Variants in FBXO24 observed in about 807,000 individuals in gnomAD.
FBXO24 encodes F-box only protein 24.
Under a neutral mutation model 63.5 loss-of-function variants are expected in FBXO24, and 30 were observed. The ratio of observed to expected loss-of-function variants is 0.47; its 90% CI spans 0.35 to 0.64. The LOEUF is 0.64. Among genes scored for constraint, FBXO24 ranks in the 30% least tolerant of loss-of-function variants. The pLI is 0.00. For synonymous variants in FBXO24, 300 were observed against 305.0 expected (o/e 0.98, Z 0.17); for missense variants, 624 against 763.4 (o/e 0.82, Z 2.15).
chr7:100,590,161 TCCTC>T lies in FBXO24; in HGVS notation c.139-6_139-3del. Reference sequence around the variant, plus strand: ...CACCAAAGACTCCCCGCTTCTTCCCTCCTCCCTCCCAGGTGGAGCATATCATCTC... The same window carrying T: ...CACCAAAGACTCCCCGCTTCTTCCCTCCTCCCAGGTGGAGCATATCATCTC... On this transcript the variant is annotated splice_polypyrimidine_tract_variant and intron_variant, in intron 2 of 9. Transcript: ENST00000241071. The T allele has an allele frequency of 3.1e-6, 5 of 1,611,654 alleles. No homozygotes were observed. Among genetic ancestry groups the T allele is most frequent in the Non-Finnish European group, 4.2e-6 (5 of 1,178,180 alleles).
Position 100,601,003 on chromosome 7 carries a change from G to A in FBXO24, c.*104G>A. On this transcript the variant is annotated 3_prime_UTR_variant, in exon 10 of 10. Coordinates refer to ENST00000241071, the MANE Select transcript of FBXO24 (RefSeq NM_033506.3). The stretch of plus-strand genomic sequence containing the variant: ...ACATGCGTGTGGGAAGGGGTTGCTA[G>A]GGGGTGGGGACGGCTAACCAGGGTA... The A allele has an allele frequency of 6.7e-7, 1 of 1,488,010 alleles. No individual in the cohort carries two copies. Among genetic ancestry groups the A allele is most frequent in the African/African-American group, 1.4e-5 (1 of 71,600 alleles). The allele number at this position is 1,488,010 out of a possible 1,614,324, so 92.2% of individuals were successfully genotyped here. A position where few individuals can be genotyped will look rare whatever the true frequency, so the allele number is the denominator to read the frequency against.
intron 8 of FBXO24, among the ~76,000 whole-genome samples, chr7:100,599,187 A>C (rs1802459070): frequency 6.6e-6 from 1 of 152,158 alleles, no homozygotes; most frequent in African/African-American, 2.4e-5. Context: ...CCAGGAGGTC[A>C]AGGCTGCAGT....
intron 5 of FBXO24, among the ~76,000 whole-genome samples, chr7:100,593,735 T>C (rs1189771137): frequency 6.7e-6 from 1 of 150,138 alleles, no homozygotes; most frequent in Non-Finnish European, 1.5e-5. Context: ...AGGTGGAGGT[T>C]TCAGTGAGCC....
At chr7:100,589,925 G>A (rs1801924374) in intron 1 of FBXO24, 52 bp from the exon 2 acceptor site, 2 of 1,579,130 alleles carry the variant, frequency 1.3e-6, no homozygotes, top group African/African-American at 2.7e-5. Flanking sequence ...GGAGAGAAGG[G>A]AAAAAAGGAT....
At chr7:100,586,763 G>GT in intron 1 of FBXO24, 99 bp downstream of exon 1, 1 of 1,340,876 alleles carries the variant, frequency 7.5e-7, no homozygotes, top group Non-Finnish European at 1.1e-6. Context: ...CGAGCTGGAC[G>GT]TGTTAGGGGG....
intron 8 of FBXO24, among the ~76,000 whole-genome samples, chr7:100,596,360 TGAG>T (rs960886665): frequency 1.2e-4 from 18 of 151,976 alleles, no homozygotes; most frequent in African/African-American, 4.4e-4. Context: ...TTCTGTGTGA[TGAG>T]GAGGGGGATA....
chr7:100,591,031 ATTTTTTT>A lies in FBXO24; in HGVS notation c.323-618_323-612del, dbSNP rs930978218. 6.9e-5 allele frequency among the ~76,000 whole-genome samples: 6 copies of A among 86,680 alleles called. No homozygotes were observed. In the East Asian group the frequency reaches 1.6e-3, roughly 24 times the overall value. The allele number at this position is 86,680 out of a possible 152,430, so 56.9% of individuals were successfully genotyped here. On this transcript the variant is annotated intron_variant, in intron 3 of 9. Coordinates refer to ENST00000241071, the MANE Select transcript of FBXO24 (RefSeq NM_033506.3). ...CTTCTCTTTTCTTTCTTTTTCTTTG[ATTTTTTT>A]TTTTTTTTTTTTTTTTTGAGACAGG... is the stretch of plus-strand genomic sequence containing the variant.
In FBXO24 at chr7:100,594,573, C is replaced by A; in HGVS notation, c.952+32C>A. On this transcript the variant is annotated intron_variant, in intron 6 of 9. Transcript: ENST00000241071. This position sits in a 1 kb window ranked among gnomAD's most constrained non-coding sequence, Gnocchi z 4.2. Reference sequence around the variant, plus strand: ...ACCACCTCCCCCCGGCTCAAGCCCGCAGCCTTGGTTAGACCCTCTAAACAT... The same window carrying A: ...ACCACCTCCCCCCGGCTCAAGCCCGAAGCCTTGGTTAGACCCTCTAAACAT... The A allele has an allele frequency of 6.5e-7, 1 of 1,529,550 alleles. No individual in the cohort carries two copies. The highest frequency in any genetic ancestry group is 8.8e-7 in the Non-Finnish European group (1 of 1,136,058). The allele number at this position is 1,529,550 out of a possible 1,614,324, so 94.7% of individuals were successfully genotyped here.
chr7:100,596,048 TGGA>T (rs1802291002), intron 8 of FBXO24, among the ~76,000 whole-genome samples: 1 of 151,476 alleles, frequency 6.6e-6, no homozygotes, highest in East Asian at 1.9e-4. Flanking sequence ...GAGGCCGAGG[TGGA>T]CAGATCACTT....
chr7:100,599,279 A>G (rs978529570), intron 8 of FBXO24, among the ~76,000 whole-genome samples: 2 of 152,082 alleles, frequency 1.3e-5, no homozygotes, highest in South Asian at 2.1e-4. Context: ...GAAAATAAAA[A>G]TGCTAGAGTG....
rs374874786 is a variant in FBXO24, at chr7:100,594,555, C to A, written c.952+14C>A. 43 of 1,554,482 alleles carry A rather than the reference C, an allele frequency of 2.8e-5. No homozygotes were observed. The highest frequency in any genetic ancestry group is 3.5e-5 in the Non-Finnish European group (40 of 1,147,484). On this transcript the variant is annotated intron_variant, in intron 6 of 9. Coordinates refer to ENST00000241071, the MANE Select transcript of FBXO24 (RefSeq NM_033506.3). The surrounding 1 kb of genome is among the most constrained non-coding windows in gnomAD (Gnocchi z 4.2). ...TCTACGTCACAGGTATGGACCACCT[C>A]CCCCCGGCTCAAGCCCGCAGCCTTG...
chr7:100,600,867 G>A lies in FBXO24; in HGVS notation c.1711G>A (p.Gly571Ser), dbSNP rs371121692. 1.2e-6 allele frequency: 2 copies of A among 1,613,722 alleles called. No individual in the cohort carries two copies. Among genetic ancestry groups the A allele is most frequent in the Non-Finnish European group, 8.5e-7 (1 of 1,179,850 alleles). Residue 571 changes from glycine (G) to serine (S), a missense_variant, in exon 10 of 10, where the codon GGT becomes AGT. Physicochemically the swap from Gly to Ser is moderately conservative, Grantham distance 56. Transcript: ENST00000241071. The surrounding 1 kb of genome is among the most constrained non-coding windows in gnomAD (Gnocchi z 6.3). ...DMLQRAEGGGGGVGPPAPET is the reference protein window; with the variant it reads ...DMLQRAEGGGSGVGPPAPET ...GCTGCAGAGGGCTGAAGGAGGCGGG[G>A]GTGGTGTAGGGCCCCCAGCCCCTGA...
rs1250825768 is a variant in FBXO24, at chr7:100,586,443, C to T, written c.-183C>T. 4 of 674,808 alleles carry T rather than the reference C, an allele frequency of 5.9e-6. No homozygotes were observed. Among genetic ancestry groups the T allele is most frequent in the South Asian group, 1.8e-5 (1 of 56,774 alleles). 41.8% of individuals were successfully genotyped at this position (674,808 alleles called of 1,614,324 possible). A position where few individuals can be genotyped will look rare whatever the true frequency, so the allele number is the denominator to read the frequency against. On this transcript the variant is annotated 5_prime_UTR_variant, in exon 1 of 10. Transcript: ENST00000241071. ...CAGGTCCAACCAAGAGGAGGGGACA[C>T]CGGCACTCCACTAGCAGGAAAACGG...
intron 1 of FBXO24, 81 bp downstream of exon 1, chr7:100,586,745 G>A: frequency 3.3e-6 from 5 of 1,512,502 alleles, no homozygotes; most frequent in Non-Finnish European, 3.7e-6. Flanking sequence ...CCGCTGCAGT[G>A]GCGAGTGCGA....
In FBXO24 at chr7:100,595,191, C is replaced by T; in HGVS notation, c.1042C>T (p.Gln348Ter). 6.2e-7 allele frequency: 1 copy of T among 1,614,124 alleles called. No homozygotes were observed. The highest frequency in any genetic ancestry group is 8.5e-7 in the Non-Finnish European group (1 of 1,180,012). Residue 348 changes from glutamine to a stop codon, truncating the protein, a stop_gained, in exon 7 of 10, where the codon CAG becomes TAG. Coordinates refer to ENST00000241071, the MANE Select transcript of FBXO24 (RefSeq NM_033506.3). LOFTEE classifies it high-confidence loss of function. ...TCAAGCCTTTGACCCCCTGGACCAG[C>T]AGATGCCGCTTGCTCTCTCACTGCC... ...TLQAFDPLDQ[Q>*]MPLALSLPAK... is the part of the protein sequence containing the mutation.
At chr7:100,589,461 C>G in intron 1 of FBXO24, 1 of 1,261,832 alleles carries the variant, frequency 7.9e-7, no homozygotes, top group Non-Finnish European at 1.0e-6. Flanking sequence ...CATGTGATGG[C>G]TAGAACTGAG....
In FBXO24 at chr7:100,600,585, C is replaced by T. The variant is rs1305925264; in HGVS notation, c.1429C>T (p.Leu477=). The T allele has an allele frequency of 6.2e-7, 1 of 1,605,700 alleles. No individual in the cohort carries two copies. The highest frequency in any genetic ancestry group is 2.2e-5 in the East Asian group (1 of 44,760). Residue 477 remains leucine (L), a synonymous_variant, in exon 10 of 10, where the codon CTG becomes TTG. Coordinates refer to ENST00000241071, the MANE Select transcript of FBXO24 (RefSeq NM_033506.3). The surrounding 1 kb of genome is among the most constrained non-coding windows in gnomAD (Gnocchi z 6.3). ...LCATRECLYI[L]SSHDIEQHAP... ...TGCCACCAGGGAGTGCCTATACATCCTGTCCAGCCACGACATTGAGCAGCA... is the reference window on the plus strand; with the variant it reads ...TGCCACCAGGGAGTGCCTATACATCTTGTCCAGCCACGACATTGAGCAGCA...
chr7:100,589,528 T>A, intron 1 of FBXO24: 2 of 1,392,722 alleles, frequency 1.4e-6, no homozygotes, highest in South Asian at 3.8e-5. Context: ...AGGGAACAGG[T>A]CACAGTGGCC....
intron 8 of FBXO24, among the ~76,000 whole-genome samples, chr7:100,598,131 G>C (rs535182481): frequency 6.6e-6 from 1 of 152,186 alleles, no homozygotes; most frequent in East Asian, 1.9e-4. Context: ...TTGAGGCCAG[G>C]AGTTGAAGGC....
Sources: gnomAD v4.1 joint callset for allele counts (sites outside exome capture counted in the v4.1 genomes callset) on GRCh38, gnomAD v4.1.1 for gene constraint, Gnocchi (gnomAD v3.1) non-coding constraint, MANE v1.5 for transcripts, NCBI Gene and HGNC (gene_info 2026-07-23, HGNC 2026-07-21) for gene names.